The following HTR7 variants were observed in gnomAD, a reference collection of about 807,000 sequenced individuals.
HTR7 encodes the protein 5-hydroxytryptamine receptor 7.
In HTR7, 16 loss-of-function variants were observed where a neutral mutation model predicts 34.0. The ratio of observed to expected loss-of-function variants is 0.47; its 90% confidence interval spans 0.32 to 0.71. The LOEUF (loss-of-function observed/expected upper bound fraction) is 0.71. Among genes scored for constraint, HTR7 ranks in the 30% least tolerant of loss-of-function variants. HTR7 has a pLI of 0.04. For synonymous variants in HTR7, 265 were observed against 260.2 expected, an observed-to-expected ratio of 1.02 and a Z score of -0.18; for missense variants, 504 against 625.5, an observed-to-expected ratio of 0.81 and a Z score of 2.07.
intron 1 of HTR7, among the ~76,000 whole-genome samples, chr10:90,822,324 T>C (rs1191040878): frequency 6.6e-6 from 1 of 152,228 alleles, no homozygotes; most frequent in Non-Finnish European, 1.5e-5. Context: ...CTTGCCATGC[T>C]TTAGAAAAGA....
At chr10:90,769,374 T>C (rs1845072344) in intron 1 of HTR7, among the ~76,000 whole-genome samples, 1 of 152,220 alleles carries the variant, frequency 6.6e-6, no homozygotes, top group African/African-American at 2.4e-5. Context: ...CTTTTGATAA[T>C]TGTTAATTAA....
chr10:90,839,863 T>G lies in HTR7; in HGVS notation c.539+17270A>C, dbSNP rs1008840532. Among the ~76,000 whole-genome samples, 3 of 152,064 alleles carry G rather than the reference T, an allele frequency of 2.0e-5. No homozygotes were observed. In the East Asian group the frequency reaches 5.8e-4, roughly 29 times the overall value. On this transcript the variant is annotated intron_variant, in intron 1 of 3. Transcript: ENST00000336152. ...TGACTCATATCTCTTTCAAGAAAGG[T>G]CCTATCACACAGGAATTGACTGTAA...
rs544833560 is a variant in HTR7, at chr10:90,784,776, C to G, written c.540-35182G>C. Among the ~76,000 whole-genome samples, 9 of 152,302 alleles carry G rather than the reference C, an allele frequency of 5.9e-5. No homozygotes were observed. In the East Asian group the frequency reaches 1.5e-3, roughly 26 times the overall value. On this transcript the variant is annotated intron_variant, in intron 1 of 3. Coordinates refer to ENST00000336152, the MANE Select transcript of HTR7 (RefSeq NM_019859.4). ...GCAGTCGGGAGAAAGCCTAATGATT[C>G]TCACCTTGATCCAGAACAATGTGTA... is the stretch of plus-strand genomic sequence containing the variant.
At chr10:90,847,215 C>T (rs1437394769) in intron 1 of HTR7, among the ~76,000 whole-genome samples, 1 of 152,142 alleles carries the variant, frequency 6.6e-6, no homozygotes, top group African/African-American at 2.4e-5. Flanking sequence ...TGATGCCCAC[C>T]TCACAATGTT....
chr10:90,781,741 T>C (rs1845307899), intron 1 of HTR7, among the ~76,000 whole-genome samples: 1 of 152,208 alleles, frequency 6.6e-6, no homozygotes, highest in African/African-American at 2.4e-5. Flanking sequence ...CTTAAAGAAA[T>C]ATTCATGCTT....
At chr10:90,788,398 G>A (rs1845414537) in intron 1 of HTR7, among the ~76,000 whole-genome samples, 1 of 152,008 alleles carries the variant, frequency 6.6e-6, no homozygotes, top group Admixed American at 6.6e-5. Context: ...AATACAATAG[G>A]GATGATCTCA....
At chr10:90,785,899 A>C (rs1239522199) in intron 1 of HTR7, among the ~76,000 whole-genome samples, 1 of 152,224 alleles carries the variant, frequency 6.6e-6, no homozygotes, top group Non-Finnish European at 1.5e-5. Context: ...GCTGGAAAGC[A>C]GCCATGGTAC....
chr10:90,823,749 G>A (rs545466592), intron 1 of HTR7, among the ~76,000 whole-genome samples: 70 of 152,190 alleles, frequency 4.6e-4, no homozygotes, highest in Non-Finnish European at 9.1e-4. Context: ...GAGAAGCCTG[G>A]TGGGAGTTGA....
At chr10:90,759,517 C>T (rs990857403) in intron 1 of HTR7, among the ~76,000 whole-genome samples, 2 of 149,734 alleles carry the variant, frequency 1.3e-5, no homozygotes, top group Non-Finnish European at 1.5e-5. Context: ...TAGCCGGGCG[C>T]GGTGGCGGGC....
At chr10:90,844,725 TCAAAAAAAAAAAAAAAAAAAAAAAAAA>T (rs1433976459) in intron 1 of HTR7, among the ~76,000 whole-genome samples, 1 of 27,784 alleles carries the variant, frequency 3.6e-5, no homozygotes, top group Non-Finnish European at 8.1e-5. Context: ...AGACTCCGTC[TCAAAAAAAAAAAAAAAAAAAAAAAAAA>T]AAAAAAAAAA....
Position 90,786,946 on chromosome 10 carries a change from A to G in HTR7, c.540-37352T>C, listed in dbSNP as rs113244553. Among the ~76,000 whole-genome samples the G allele has an allele frequency of 4.6e-5, 7 of 152,334 alleles. 1 individual carries two copies. Among genetic ancestry groups the G allele is most frequent in the African/African-American group, 1.7e-4 (7 of 41,582 alleles). ...ATCGTCTGCGTTACTGCATTTTCTCAGGAAGATCTTCTTAGGAAAATGGCA... is the reference window on the plus strand; with the variant it reads ...ATCGTCTGCGTTACTGCATTTTCTCGGGAAGATCTTCTTAGGAAAATGGCA... On this transcript the variant is annotated intron_variant, in intron 1 of 3. Coordinates refer to ENST00000336152, the MANE Select transcript of HTR7 (RefSeq NM_019859.4).
chr10:90,772,587 T>A (rs1317137575), intron 1 of HTR7, among the ~76,000 whole-genome samples: 2 of 152,218 alleles, frequency 1.3e-5, no homozygotes, highest in Non-Finnish European at 1.5e-5. Flanking sequence ...TTGTAGCTAA[T>A]AAACTTACCG....
In HTR7 at chr10:90,857,643, G is replaced by C. The variant is rs1396660938; in HGVS notation, c.29C>G (p.Pro10Arg). 3.8e-6 allele frequency: 6 copies of C among 1,592,024 alleles called. No homozygotes were observed. Among genetic ancestry groups the C allele is most frequent in the Non-Finnish European group, 4.3e-6 (5 of 1,173,708 alleles). ...AGAGCGGAGGTGCCCGTAGAGGTCC[G>C]GGCGGCCGCTGCTGTTAACGTCCAT... MMDVNSSGR[P>R]DLYGHLRSFL... is the part of the protein sequence containing the mutation. Residue 10 changes from proline (P) to arginine (R), a missense_variant, in exon 1 of 4, where the codon CCG becomes CGG. Coordinates refer to ENST00000336152, the MANE Select transcript of HTR7 (RefSeq NM_019859.4). The surrounding 1 kb of genome is among the most constrained non-coding windows in gnomAD (Gnocchi z 6.5).
chr10:90,758,147 A>T (rs1589437890), intron 1 of HTR7, among the ~76,000 whole-genome samples: 1 of 151,916 alleles, frequency 6.6e-6, no homozygotes, highest in African/African-American at 2.4e-5. Context: ...GGAGTTCGAA[A>T]CCACCCTGCC....
Position 90,749,718 on chromosome 10 carries a change from T to C in HTR7, c.540-124A>G. 3 of 838,170 alleles carry C rather than the reference T, an allele frequency of 3.6e-6. No homozygotes were observed. The highest frequency in any genetic ancestry group is 5.6e-6 in the Non-Finnish European group (3 of 538,012). 51.9% of individuals were successfully genotyped at this position (838,170 alleles called of 1,614,324 possible). A position where few individuals can be genotyped will look rare whatever the true frequency, so the allele number is the denominator to read the frequency against. On this transcript the variant is annotated intron_variant, in intron 1 of 3. Transcript: ENST00000336152. The surrounding 1 kb of genome is among the most constrained non-coding windows in gnomAD (Gnocchi z 4.2). ...AGCCCTTCTAGGTAGGCATCATTAC[T>C]CCCATTTTGCAGAAAGGTAAACTAA...
In HTR7 at chr10:90,749,361, A is replaced by T. The variant is rs774089851; in HGVS notation, c.773T>A (p.Met258Lys). The T allele has an allele frequency of 4.3e-6, 7 of 1,614,080 alleles. No individual in the cohort carries two copies. The highest frequency in any genetic ancestry group is 5.9e-6 in the Non-Finnish European group (7 of 1,180,048). The change falls in exon 2 of 4, where the codon ATG becomes AAG. Residue 258 changes from methionine (M) to lysine (K), a missense_variant. By Grantham distance (95) the Met-to-Lys change is moderately conservative (BLOSUM62 -1). Around this residue, in one of 4 missense-constraint regions of HTR7, gnomAD observed 154 missense variants for 248.8 expected, o/e 0.62. Coordinates refer to ENST00000336152, the MANE Select transcript of HTR7 (RefSeq NM_019859.4). The surrounding 1 kb of genome is among the most constrained non-coding windows in gnomAD (Gnocchi z 4.2). ...GGCAGCCTTGTAAATCTGGTAGTACATGAAAAGCATGACGGACATGGGGAT... is the reference window on the plus strand; with the variant it reads ...GGCAGCCTTGTAAATCTGGTAGTACTTGAAAAGCATGACGGACATGGGGAT... ...FYIPMSVMLF[M>K]YYQIYKAARK...
intron 2 of HTR7, among the ~76,000 whole-genome samples, chr10:90,744,517 T>C (rs1844605060): frequency 6.8e-6 from 1 of 146,450 alleles, no homozygotes; most frequent in East Asian, 2.0e-4. Flanking sequence ...GCAGATTCAC[T>C]GATGGCTTAC....
chr10:90,758,800 T>A (rs1294497879), intron 1 of HTR7, among the ~76,000 whole-genome samples: 1 of 151,356 alleles, frequency 6.6e-6, no homozygotes, highest in Non-Finnish European at 1.5e-5. Context: ...AATCAGAAAA[T>A]ATGCAAGGTA....
intron 1 of HTR7, among the ~76,000 whole-genome samples, chr10:90,792,948 C>G (rs73314028): frequency 0.024 from 3,608 of 152,004 alleles, 156 homozygotes; most frequent in African/African-American, 0.082. Flanking sequence ...CTATAAAACT[C>G]CTAAAAGAAA....
Sources: allele counts gnomAD v4.1 joint callset (sites outside exome capture counted in the v4.1 genomes callset), GRCh38; gene constraint gnomAD v4.1.1; regional missense constraint gnomAD v4.1.1; non-coding constraint Gnocchi (gnomAD v3.1); transcripts MANE v1.5; gene names NCBI Gene and HGNC (gene_info 2026-07-23, HGNC 2026-07-21).